The following COMT variants were observed in gnomAD, a reference collection of about 807,000 sequenced individuals.
The protein encoded by COMT is catechol O-methyltransferase.
COMT carries 13 observed loss-of-function variants against 18.9 expected under a neutral mutation model. The observed-to-expected ratio is 0.69, with a 90% CI of 0.45 to 1.09. The LOEUF (loss-of-function observed/expected upper bound fraction) is 1.09, where lower values mean the gene tolerates loss of function less well. COMT is among the 50% of genes least tolerant of loss of function. COMT has a pLI of 0.00. For synonymous variants in COMT, 150 were observed against 160.9 expected (o/e 0.93, Z 0.51); for missense variants, 329 against 361.8 (o/e 0.91, Z 0.73).
At position 19,962,580 on chromosome 22, in the gene COMT, G is replaced by GCT. The variant is rs755100597; in HGVS notation, c.55_56dup (p.Val20TrpfsTer8). On this transcript the variant is annotated frameshift_variant, in exon 3 of 6. Coordinates refer to ENST00000361682, the MANE Select transcript of COMT (RefSeq NM_000754.4). LOFTEE classifies it high-confidence loss of function. ...CAGCTGTGTTGCTGGGCCTGGTGCTGCTGGTGGTGCTGCTGCTGCTTCTGA... is the reference window on the plus strand; with the variant it reads ...CAGCTGTGTTGCTGGGCCTGGTGCTGCTCTGGTGGTGCTGCTGCTGCTTCTGA... 3.8e-6 allele frequency: 6 copies of GCT among 1,574,432 alleles called. No homozygotes were observed. The South Asian group carries it at 6.9e-5, about 18-fold the overall frequency.
chr22:19,956,028 A>G (rs1380025664), intron 1 of COMT, among the ~76,000 whole-genome samples: 1 of 149,990 alleles, frequency 6.7e-6, no homozygotes, highest in African/African-American at 2.5e-5. Flanking sequence ...AGTGTCAATC[A>G]CTCTTCTGAC....
At chr22:19,959,053 A>T (rs1475622503) in intron 1 of COMT, among the ~76,000 whole-genome samples, 1 of 152,170 alleles carries the variant, frequency 6.6e-6, no homozygotes, top group African/African-American at 2.4e-5. Context: ...TCCCCAGACC[A>T]CACAGCCAAA....
At chr22:19,962,089 T>A (rs775423229) in intron 2 of COMT, 63 of 278,170 alleles carry the variant, frequency 2.3e-4, no homozygotes, top group Non-Finnish European at 4.2e-4. Flanking sequence ...GCCAAGGGGC[T>A]GCACCATACA....
rs764628606 is a variant in COMT, at chr22:19,968,643, C to T, written c.723C>T (p.Cys241=). Residue 241 remains cysteine, a synonymous_variant, in exon 6 of 6, where the codon TGC becomes TGT. Coordinates refer to ENST00000361682, the MANE Select transcript of COMT (RefSeq NM_000754.4). ...AHVRGSSCFE[C]THYQSFLEYR... is the part of the protein sequence containing the mutation. ...TGCGCGGGAGCAGCTGCTTTGAGTG[C>T]ACACACTACCAATCGTTCCTGGAAT... 2.6e-5 allele frequency: 42 copies of T among 1,613,956 alleles called. No individual in the cohort carries two copies. The Admixed American group carries it at 3.3e-4, about 13-fold the overall frequency.
At chr22:19,944,453 T>C (rs7287550) in intron 1 of COMT, among the ~76,000 whole-genome samples, 49,340 of 151,440 alleles carry the variant, frequency 0.33, 8,254 homozygotes, top group East Asian at 0.44. Flanking sequence ...TCGCTTGAAC[T>C]GGGAGGTGGG....
chr22:19,967,420 C>T (rs1032116173), intron 5 of COMT: 4 of 470,756 alleles, frequency 8.5e-6, no homozygotes, highest in Non-Finnish European at 1.8e-5. Flanking sequence ...AATGAAAACA[C>T]ATCATGATTC....
chr22:19,961,602 C>T (rs1942193809), intron 2 of COMT: 1 of 152,284 alleles, frequency 6.6e-6, no homozygotes, highest in African/African-American at 2.4e-5. Context: ...GTGGGATCTC[C>T]TATGCCACTG....
At chr22:19,963,510 C>T (rs1942251940) in intron 3 of COMT, 56 bp from the exon 4 acceptor site, 5 of 1,586,332 alleles carry the variant, frequency 3.2e-6, no homozygotes, top group Non-Finnish European at 4.3e-6. Context: ...CCTGGGGATC[C>T]AAGTTCCCCT....
At chr22:19,954,228 A>AAG (rs1483424699) in intron 1 of COMT, among the ~76,000 whole-genome samples, 1 of 151,520 alleles carries the variant, frequency 6.6e-6, no homozygotes, top group African/African-American at 2.4e-5. Context: ...CAAAAAAAAA[A>AAG]AAAGCCTTCC....
intron 1 of COMT, among the ~76,000 whole-genome samples, chr22:19,948,090 G>C (rs1275215972): frequency 1.3e-5 from 2 of 152,156 alleles, no homozygotes; most frequent in Non-Finnish European, 2.9e-5. Flanking sequence ...AAGAGTAATT[G>C]CTACAAACTA....
At chr22:19,943,362 A>G (rs1292812122) in intron 1 of COMT, among the ~76,000 whole-genome samples, 1 of 152,242 alleles carries the variant, frequency 6.6e-6, no homozygotes, top group Non-Finnish European at 1.5e-5. Flanking sequence ...AAACAAAAAT[A>G]ACAGGCCAGG....
intron 1 of COMT, among the ~76,000 whole-genome samples, chr22:19,946,196 T>C (rs1941832954): frequency 6.6e-6 from 1 of 151,946 alleles, no homozygotes; most frequent in Non-Finnish European, 1.5e-5. Context: ...AGTTAAGAAA[T>C]GCTGTCACGC....
At position 19,958,166 on chromosome 22, in the gene COMT, A is replaced by ATT. The variant is rs361708; in HGVS notation, c.-91-3018_-91-3017dup. ...TATTTGTGGGTGCATAGCATGTTTAATTTTTTTTTTTTTTTTGAGACGGGG... is the reference window on the plus strand; with the variant it reads ...TATTTGTGGGTGCATAGCATGTTTAATTTTTTTTTTTTTTTTTTGAGACGGGG... On this transcript the variant is annotated intron_variant, in intron 1 of 5. Coordinates refer to ENST00000361682, the MANE Select transcript of COMT (RefSeq NM_000754.4). 2.4e-3 allele frequency among the ~76,000 whole-genome samples: 330 copies of ATT among 139,310 alleles called. 3 individuals carry two copies. Among genetic ancestry groups the ATT allele is most frequent in the Middle Eastern group, 7.4e-3 (2 of 272 alleles). The allele number at this position is 139,310 out of a possible 152,430, so 91.4% of individuals were successfully genotyped here.
chr22:19,953,251 G>A (rs1450491217), intron 1 of COMT, among the ~76,000 whole-genome samples: 8 of 152,116 alleles, frequency 5.3e-5, no homozygotes, highest in African/African-American at 1.9e-4. Context: ...CTGGATGCAG[G>A]CCTGGCCCAG....
At position 19,962,656 on chromosome 22, in the gene COMT, C is replaced by A; in HGVS notation, c.130C>A (p.Gln44Lys). The A allele has an allele frequency of 6.2e-7, 1 of 1,611,194 alleles. No individual in the cohort carries two copies. Among genetic ancestry groups the A allele is most frequent in the East Asian group, 2.2e-5 (1 of 44,794 alleles). Reference sequence around the variant, plus strand: ...TATCGGCTGGAACGAGTTCATCCTGCAGCCCATCCACAACCTGCTCATGGG... The same window carrying A: ...TATCGGCTGGAACGAGTTCATCCTGAAGCCCATCCACAACCTGCTCATGGG... ...CLIGWNEFILQPIHNLLMGDT... is the reference protein window; with the variant it reads ...CLIGWNEFILKPIHNLLMGDT... The change falls in exon 3 of 6, where the codon CAG becomes AAG. Residue 44 changes from glutamine (Q) to lysine (K), a missense_variant. Transcript: ENST00000361682.
chr22:19,956,670 CA>C (rs1323390045), intron 1 of COMT, among the ~76,000 whole-genome samples: 1 of 152,148 alleles, frequency 6.6e-6, no homozygotes, highest in African/African-American at 2.4e-5. Context: ...GCCACCACAC[CA>C]GGCCCATTTT....
intron 1 of COMT, among the ~76,000 whole-genome samples, chr22:19,948,096 A>C (rs1174101378): frequency 6.6e-6 from 1 of 152,194 alleles, no homozygotes; most frequent in Admixed American, 6.5e-5. Flanking sequence ...AATTGCTACA[A>C]ACTAATGATT....
At chr22:19,944,652 A>G (rs890235728) in intron 1 of COMT, among the ~76,000 whole-genome samples, 5 of 151,986 alleles carry the variant, frequency 3.3e-5, no homozygotes, top group African/African-American at 4.8e-5. Flanking sequence ...GTGAAACCCC[A>G]TCTCTACTAA....
At chr22:19,959,454 C>A (rs959265698) in intron 1 of COMT, among the ~76,000 whole-genome samples, 2 of 152,226 alleles carry the variant, frequency 1.3e-5, no homozygotes, top group Non-Finnish European at 2.9e-5. Context: ...GCGTCCCTCC[C>A]GGCCCAGTGG....
Sources: allele counts gnomAD v4.1 joint callset (sites outside exome capture counted in the v4.1 genomes callset), GRCh38; gene constraint gnomAD v4.1.1; transcripts MANE v1.5; gene names NCBI Gene and HGNC (gene_info 2026-07-23, HGNC 2026-07-21).